The following SLC26A8 variants were observed in gnomAD, a reference collection of about 807,000 sequenced individuals.
SLC26A8 encodes solute carrier family 26 member 8.
Under a neutral mutation model 105.0 loss-of-function variants are expected in SLC26A8, and 70 were observed. That is an observed-to-expected ratio of 0.67 (90% CI 0.55 to 0.81). SLC26A8 has a LOEUF of 0.81. Among genes scored for constraint, SLC26A8 ranks in the 40% least tolerant of loss-of-function variants. The probability of loss-of-function intolerance (pLI) is 0.00; values close to 1 mark genes in which losing one functional copy is unlikely to be tolerated. For missense variants in SLC26A8, 998 were observed against 1,181.8 expected (o/e 0.84, Z 2.28); for synonymous variants, 415 against 438.3 (o/e 0.95, Z 0.66).
intron 1 of SLC26A8, among the ~76,000 whole-genome samples, chr6:36,023,801 A>G (rs1762188221): frequency 1.3e-5 from 2 of 152,158 alleles, no homozygotes; most frequent in Non-Finnish European, 2.9e-5. Flanking sequence ...TTTATGGAGA[A>G]TGTATTGGGA....
intron 9 of SLC26A8, among the ~76,000 whole-genome samples, chr6:35,976,550 C>CTTTTTTT (rs371327114): frequency 1.5e-5 from 2 of 130,182 alleles, no homozygotes; most frequent in African/African-American, 6.0e-5. Context: ...GAAGCCCTCG[C>CTTTTTTT]TTTTTTTTTT....
At chr6:36,020,942 C>T (rs1220799618) in intron 1 of SLC26A8, among the ~76,000 whole-genome samples, 1 of 152,164 alleles carries the variant, frequency 6.6e-6, no homozygotes, top group East Asian at 1.9e-4. Flanking sequence ...TCATCATCAT[C>T]ATTGCCAACA....
At chr6:35,977,452 T>A in intron 8 of SLC26A8, 101 bp from the exon 9 acceptor site, 1 of 1,304,886 alleles carries the variant, frequency 7.7e-7, no homozygotes, top group Admixed American at 2.7e-5. Context: ...CTTTTTTTTT[T>A]TTTTTTAATA....
chr6:36,021,711 G>C (rs1343240373), intron 1 of SLC26A8, among the ~76,000 whole-genome samples: 6 of 152,082 alleles, frequency 3.9e-5, no homozygotes, highest in Non-Finnish European at 1.5e-5. Context: ...TTTTTATGTG[G>C]AATCTTCTGG....
intron 17 of SLC26A8, among the ~76,000 whole-genome samples, chr6:35,953,013 CAAA>C (rs11364963): frequency 2.8e-4 from 18 of 63,712 alleles, no homozygotes; most frequent in African/African-American, 9.2e-4. Context: ...GATGCTGTCT[CAAA>C]AAAAAAAAAA....
At chr6:35,979,101 C>A (rs191132678) in intron 8 of SLC26A8, among the ~76,000 whole-genome samples, 76 of 150,594 alleles carry the variant, frequency 5.0e-4, no homozygotes, top group African/African-American at 1.8e-3. Context: ...ATTCGCCTGC[C>A]TCAGCCTCCC....
intron 19 of SLC26A8, among the ~76,000 whole-genome samples, chr6:35,944,835 T>C (rs1771610486): frequency 6.6e-6 from 1 of 152,116 alleles, no homozygotes; most frequent in Non-Finnish European, 1.5e-5. Context: ...CTTGCCTAAA[T>C]CTACTTTTCT....
At position 35,998,017 on chromosome 6, in the gene SLC26A8, A is replaced by G; in HGVS notation, c.446-98T>C. The G allele has an allele frequency of 2.6e-6, 3 of 1,139,386 alleles. No individual in the cohort carries two copies. In the South Asian group the frequency reaches 4.6e-5, roughly 17 times the overall value. 70.6% of individuals were successfully genotyped at this position (1,139,386 alleles called of 1,614,324 possible). The stretch of plus-strand genomic sequence containing the variant: ...TGGTTGAATTCTGGATTGTCCTTCA[A>G]CTGAATAACTTTTCTCATTTGAAAG... On this transcript the variant is annotated intron_variant, in intron 4 of 19. Coordinates refer to ENST00000490799, the MANE Select transcript of SLC26A8 (RefSeq NM_052961.4).
intron 19 of SLC26A8, among the ~76,000 whole-genome samples, chr6:35,945,729 C>CA (rs1771636107): frequency 6.6e-6 from 1 of 152,154 alleles, no homozygotes; most frequent in Admixed American, 6.5e-5. Context: ...TATTTATTTA[C>CA]AAACCTACTC....
At chr6:35,968,587 GTA>G (rs1433888107) in intron 11 of SLC26A8, among the ~76,000 whole-genome samples, 54 of 89,304 alleles carry the variant, frequency 6.0e-4, no homozygotes, top group South Asian at 2.0e-3. Context: ...ACATATGTGT[GTA>G]TGTGTGTGTG....
chr6:35,949,753 C>G (rs1771795323), intron 19 of SLC26A8, among the ~76,000 whole-genome samples: 1 of 151,372 alleles, frequency 6.6e-6, no homozygotes. Context: ...TTATTAACTA[C>G]TAGTTAACTA....
At chr6:36,003,031 A>G (rs1456319274) in intron 3 of SLC26A8, among the ~76,000 whole-genome samples, 6 of 152,186 alleles carry the variant, frequency 3.9e-5, no homozygotes, top group Non-Finnish European at 7.3e-5. Flanking sequence ...GCAGCTTTGA[A>G]TAGATAGAAG....
chr6:35,954,337 C>G (rs1771978791), intron 17 of SLC26A8, among the ~76,000 whole-genome samples: 1 of 152,184 alleles, frequency 6.6e-6, no homozygotes, highest in Admixed American at 6.5e-5. Context: ...AGGTACTGGA[C>G]AGCCAGCCCC....
chr6:36,020,614 GTC>G (rs1266167990), intron 1 of SLC26A8, among the ~76,000 whole-genome samples: 3 of 151,850 alleles, frequency 2.0e-5, no homozygotes, highest in Non-Finnish European at 4.4e-5. Context: ...GCGAGACCCT[GTC>G]TCTAAAAGAA....
chr6:35,950,552 T>C (rs1053480659), intron 19 of SLC26A8, among the ~76,000 whole-genome samples: 5 of 152,070 alleles, frequency 3.3e-5, no homozygotes, highest in Non-Finnish European at 4.4e-5. Context: ...CCCAAGGTGC[T>C]AGGATTACAG....
intron 5 of SLC26A8, among the ~76,000 whole-genome samples, chr6:35,994,707 C>T (rs544953939): frequency 7.9e-5 from 12 of 152,076 alleles, no homozygotes; most frequent in African/African-American, 2.9e-4. Flanking sequence ...TCCCGAGTAG[C>T]TGGGATTACA....
intron 10 of SLC26A8, among the ~76,000 whole-genome samples, chr6:35,970,654 T>C (rs1772757152): frequency 6.6e-6 from 1 of 152,234 alleles, no homozygotes; most frequent in Admixed American, 6.5e-5. Flanking sequence ...CCTTTTCTTT[T>C]CTGCCACTTT....
Position 36,012,234 on chromosome 6 carries a change from T to C in SLC26A8, c.327A>G (p.Gln109=). ...GISVGLVQVP[Q]GLTLSLLARQ... ...GAACAGGCTTCATATCTTCCTTACC[T>C]TGGGGAACTTGCACAAGGCCAACAC... Residue 109 remains glutamine, a splice_region_variant and synonymous_variant, in exon 3 of 20, where the codon CAA becomes CAG. Coordinates refer to ENST00000490799, the MANE Select transcript of SLC26A8 (RefSeq NM_052961.4). 1.2e-6 allele frequency: 2 copies of C among 1,611,726 alleles called. No individual in the cohort carries two copies. The highest frequency in any genetic ancestry group is 1.7e-6 in the Non-Finnish European group (2 of 1,179,304).
chr6:35,982,571 T>G (rs1269512835), intron 7 of SLC26A8, among the ~76,000 whole-genome samples: 1 of 152,262 alleles, frequency 6.6e-6, no homozygotes, highest in African/African-American at 2.4e-5. Context: ...ATTTAAATAC[T>G]GAATGACTTG....
Sources: gnomAD v4.1 joint callset for allele counts (sites outside exome capture counted in the v4.1 genomes callset) on GRCh38, gnomAD v4.1.1 for gene constraint, MANE v1.5 for transcripts, NCBI Gene and HGNC (gene_info 2026-07-23, HGNC 2026-07-21) for gene names.